Variants in HS3ST4 observed in about 807,000 individuals in gnomAD.
HS3ST4 encodes the protein heparan sulfate-glucosamine 3-sulfotransferase 4.
A neutral mutation model predicts 29.2 loss-of-function variants in HS3ST4; 17 were observed. The ratio of observed to expected loss-of-function variants is 0.58; its 90% CI spans 0.40 to 0.87. The LOEUF is 0.87. Among genes scored for constraint, HS3ST4 ranks in the 40% least tolerant of loss-of-function variants. The probability of loss-of-function intolerance (pLI) is 0.00; values close to 1 mark genes in which losing one functional copy is unlikely to be tolerated. For missense variants in HS3ST4, 627 were observed against 634.5 expected (o/e 0.99, Z 0.13); for synonymous variants, 314 against 285.7 (o/e 1.10, Z -1.00).
intron 1 of HS3ST4, among the ~76,000 whole-genome samples, chr16:26,109,660 T>G (rs1899101593): frequency 6.6e-6 from 1 of 152,066 alleles, no homozygotes; most frequent in African/African-American, 2.4e-5. Flanking sequence ...GTACACGGTC[T>G]TATATTGTCA....
At chr16:25,969,585 G>T (rs1376925929) in intron 1 of HS3ST4, among the ~76,000 whole-genome samples, 1 of 152,186 alleles carries the variant, frequency 6.6e-6, no homozygotes, top group Non-Finnish European at 1.5e-5. Context: ...TCTGAGATAT[G>T]GCCTGGGACA....
chr16:26,057,294 A>T (rs1261688245), intron 1 of HS3ST4, among the ~76,000 whole-genome samples: 2 of 152,200 alleles, frequency 1.3e-5, no homozygotes, highest in Non-Finnish European at 2.9e-5. Context: ...TCTGCTAAAG[A>T]GGAGAGCAAA....
At chr16:25,820,444 TGTGCGGTG>T (rs1365523177) in intron 1 of HS3ST4, among the ~76,000 whole-genome samples, 1 of 152,142 alleles carries the variant, frequency 6.6e-6, no homozygotes, top group Non-Finnish European at 1.5e-5. Context: ...TCCAGGCTAT[TGTGCGGTG>T]GTGCAGTCAT....
chr16:25,806,847 A>G (rs1246247289), intron 1 of HS3ST4, among the ~76,000 whole-genome samples: 3 of 152,086 alleles, frequency 2.0e-5, no homozygotes, highest in East Asian at 1.9e-4. Flanking sequence ...ATATGTGTGC[A>G]TATGGGTGCG....
intron 1 of HS3ST4, among the ~76,000 whole-genome samples, chr16:25,788,961 A>T (rs1178398911): frequency 6.6e-6 from 1 of 152,124 alleles, no homozygotes; most frequent in Non-Finnish European, 1.5e-5. Context: ...AGATAATTAC[A>T]TCCAAAAGCT....
intron 1 of HS3ST4, among the ~76,000 whole-genome samples, chr16:25,770,707 C>A (rs1449392174): frequency 2.6e-5 from 4 of 152,176 alleles, no homozygotes; most frequent in Non-Finnish European, 4.4e-5. Context: ...TATATTGATG[C>A]ATTTCGTTTG....
chr16:26,095,356 A>G (rs1057357900), intron 1 of HS3ST4, among the ~76,000 whole-genome samples: 12 of 152,342 alleles, frequency 7.9e-5, no homozygotes, highest in African/African-American at 2.9e-4. Flanking sequence ...AATTGAGCAC[A>G]TAATTGGAAG....
At chr16:26,010,283 G>A (rs4787795) in intron 1 of HS3ST4, among the ~76,000 whole-genome samples, 92,263 of 151,914 alleles carry the variant, frequency 0.61, 29,353 homozygotes, top group African/African-American at 0.78. Flanking sequence ...GCAAAAGCCC[G>A]TCTCTACTGA....
chr16:25,909,390 T>C lies in HS3ST4; in HGVS notation c.734+216239T>C, dbSNP rs143165739. On this transcript the variant is annotated intron_variant, in intron 1 of 1. Transcript: ENST00000331351. ...TTTTTGTGGACACAGGGTTTAGCCA[T>C]GTTGTCCAGGCTGGTCTTGAGCTCC... Among the ~76,000 whole-genome samples, 135 of 152,256 alleles carry C rather than the reference T, an allele frequency of 8.9e-4. 3 individuals carry two copies. The East Asian group carries it at 0.023, about 26-fold the overall frequency.
At chr16:25,970,030 G>A (rs1968880508) in intron 1 of HS3ST4, among the ~76,000 whole-genome samples, 1 of 152,224 alleles carries the variant, frequency 6.6e-6, no homozygotes, top group South Asian at 2.1e-4. Flanking sequence ...CTAAATGAAT[G>A]CATGGGGAAA....
At chr16:26,068,440 A>G (rs1186193880) in intron 1 of HS3ST4, among the ~76,000 whole-genome samples, 1 of 152,216 alleles carries the variant, frequency 6.6e-6, no homozygotes, top group Non-Finnish European at 1.5e-5. Flanking sequence ...CTCATTTTAC[A>G]GGTGAGGGTT....
intron 1 of HS3ST4, among the ~76,000 whole-genome samples, chr16:25,931,263 C>T (rs542838860): frequency 1.3e-5 from 2 of 152,340 alleles, no homozygotes; most frequent in East Asian, 3.9e-4. Context: ...AGAACAGGAG[C>T]AGCCCAGCCC....
At chr16:26,043,090 G>C (rs1040609336) in intron 1 of HS3ST4, among the ~76,000 whole-genome samples, 2 of 152,128 alleles carry the variant, frequency 1.3e-5, no homozygotes, top group African/African-American at 2.4e-5. Context: ...TGGTATTGCT[G>C]TGTGTTCTCA....
intron 1 of HS3ST4, among the ~76,000 whole-genome samples, chr16:25,990,592 C>T (rs1003932903): frequency 1.3e-5 from 2 of 152,204 alleles, no homozygotes; most frequent in Admixed American, 1.3e-4. Flanking sequence ...TGGCATGTGC[C>T]AGGCACAGTG....
chr16:25,973,031 A>G (rs1968911963), intron 1 of HS3ST4, among the ~76,000 whole-genome samples: 1 of 152,212 alleles, frequency 6.6e-6, no homozygotes, highest in South Asian at 2.1e-4. Context: ...GACTGGGAAC[A>G]GGTGAATTAT....
At chr16:25,918,457 G>T (rs971900051) in intron 1 of HS3ST4, among the ~76,000 whole-genome samples, 8 of 152,226 alleles carry the variant, frequency 5.3e-5, no homozygotes, top group African/African-American at 1.9e-4. Flanking sequence ...GCACTACATG[G>T]TTAAGCATGC....
intron 1 of HS3ST4, among the ~76,000 whole-genome samples, chr16:25,995,553 C>T (rs1249081547): frequency 1.3e-5 from 2 of 152,166 alleles, no homozygotes; most frequent in African/African-American, 4.8e-5. Flanking sequence ...GAGTTTCATG[C>T]CTATCCCTGA....
At chr16:26,003,903 G>A (rs987664290) in intron 1 of HS3ST4, among the ~76,000 whole-genome samples, 3 of 152,000 alleles carry the variant, frequency 2.0e-5, no homozygotes, top group Non-Finnish European at 2.9e-5. Context: ...TCCAAGTCCT[G>A]GGTCTTCCAT....
At chr16:25,864,368 A>G (rs574185298) in intron 1 of HS3ST4, among the ~76,000 whole-genome samples, 2 of 152,276 alleles carry the variant, frequency 1.3e-5, no homozygotes, top group Non-Finnish European at 1.5e-5. Flanking sequence ...CATCATTATT[A>G]TTAGGTTGGT....
Sources: allele counts gnomAD v4.1 joint callset (sites outside exome capture counted in the v4.1 genomes callset), GRCh38; gene constraint gnomAD v4.1.1; transcripts MANE v1.5; gene names NCBI Gene and HGNC (gene_info 2026-07-23, HGNC 2026-07-21).